The following PKIB variants were observed in gnomAD, a reference collection of about 807,000 sequenced individuals.
PKIB encodes cAMP-dependent protein kinase inhibitor beta.
A neutral mutation model predicts 4.5 loss-of-function variants in PKIB; 2 were observed. The observed-to-expected ratio is 0.44, with a 90% confidence interval of 0.18 to 1.39. The LOEUF is 1.39. Ranked by LOEUF, PKIB falls within the 40% of genes most tolerant of loss-of-function variation. The pLI, the probability that PKIB is intolerant of heterozygous loss-of-function variation, is 0.27. For synonymous variants in PKIB, 38 were observed against 36.0 expected (o/e 1.06, Z -0.20); for missense variants, 94 against 92.6 (o/e 1.02, Z -0.06).
chr6:122,619,502 C>T (rs554699036), intron 1 of PKIB, among the ~76,000 whole-genome samples: 3 of 151,984 alleles, frequency 2.0e-5, no homozygotes, highest in African/African-American at 4.8e-5. Flanking sequence ...TTCTCACCCC[C>T]GCACCTGCCT....
intron 4 of PKIB, among the ~76,000 whole-genome samples, chr6:122,719,584 T>C (rs993869574): frequency 1.3e-5 from 2 of 152,062 alleles, no homozygotes. Flanking sequence ...TCAAAAGAGA[T>C]AAAATTACAA....
chr6:122,478,140 C>T (rs1295653015), intron 2 of PKIB: 6 of 151,868 alleles, frequency 4.0e-5, no homozygotes, highest in Non-Finnish European at 8.8e-5. Flanking sequence ...CACTAGTTTC[C>T]ATTATTGCTT....
chr6:122,621,890 G>A (rs543440875), intron 1 of PKIB, among the ~76,000 whole-genome samples: 1 of 152,232 alleles, frequency 6.6e-6, no homozygotes, highest in Admixed American at 6.5e-5. Flanking sequence ...AAGGATATTA[G>A]AGGAAATATG....
At chr6:122,602,141 A>G (rs187049704) in intron 3 of PKIB, among the ~76,000 whole-genome samples, 1 of 152,270 alleles carries the variant, frequency 6.6e-6, no homozygotes, top group Non-Finnish European at 1.5e-5. Context: ...CTTCAACTCA[A>G]ACCACTGGAA....
intron 2 of PKIB, among the ~76,000 whole-genome samples, chr6:122,573,552 AAAG>A (rs974884459): frequency 7.9e-5 from 12 of 151,928 alleles, no homozygotes; most frequent in South Asian, 2.1e-4. Flanking sequence ...AAGAAAAAAA[AAAG>A]AAGAAAAAAG....
chr6:122,596,215 T>A (rs1774171828), intron 3 of PKIB, among the ~76,000 whole-genome samples: 1 of 152,196 alleles, frequency 6.6e-6, no homozygotes, highest in African/African-American at 2.4e-5. Flanking sequence ...GGGGCTCTAA[T>A]GCTACAGCTG....
chr6:122,599,424 A>G (rs968832484), intron 3 of PKIB, among the ~76,000 whole-genome samples: 7 of 152,182 alleles, frequency 4.6e-5, no homozygotes, highest in South Asian at 2.1e-4. Context: ...GAGGCTGTGC[A>G]TGCATTTTTC....
chr6:122,719,325 T>G (rs566550948), intron 4 of PKIB, among the ~76,000 whole-genome samples: 1 of 152,322 alleles, frequency 6.6e-6, no homozygotes, highest in South Asian at 2.1e-4. Flanking sequence ...TGTTTTTATA[T>G]TTTTCTTCAT....
intron 2 of PKIB, among the ~76,000 whole-genome samples, chr6:122,576,710 A>ATATATATATATATATATATT (rs59569106): frequency 2.7e-4 from 30 of 109,936 alleles, no homozygotes; most frequent in African/African-American, 1.1e-3. Context: ...ATATATATAT[A>ATATATATATATATATATATT]TTTTCTTTTG....
chr6:122,473,036 G>A (rs529467885), intron 1 of PKIB, among the ~76,000 whole-genome samples: 42 of 152,226 alleles, frequency 2.8e-4, no homozygotes, highest in Non-Finnish European at 3.1e-4. Context: ...GCTTGAACCC[G>A]GGAGGCAGAG....
At chr6:122,486,018 A>G (rs1032031273) in intron 2 of PKIB, among the ~76,000 whole-genome samples, 1 of 152,232 alleles carries the variant, frequency 6.6e-6, no homozygotes, top group African/African-American at 2.4e-5. Context: ...ATTCATAGAC[A>G]CATACACAAA....
At chr6:122,667,163 C>G (rs561367471) in intron 2 of PKIB, among the ~76,000 whole-genome samples, 2 of 152,152 alleles carry the variant, frequency 1.3e-5, no homozygotes, top group African/African-American at 4.8e-5. Context: ...TGTAACAATA[C>G]TGGGGTTAGA....
At chr6:122,632,969 A>G (rs943475519) in intron 1 of PKIB, among the ~76,000 whole-genome samples, 2 of 152,224 alleles carry the variant, frequency 1.3e-5, no homozygotes, top group Non-Finnish European at 2.9e-5. Context: ...AAAACATGAG[A>G]AAGACTGCTC....
At chr6:122,707,700 AT>A (rs1208321807) in intron 3 of PKIB, among the ~76,000 whole-genome samples, 3 of 152,110 alleles carry the variant, frequency 2.0e-5, no homozygotes, top group Non-Finnish European at 4.4e-5. Flanking sequence ...AATTATGTTG[AT>A]TTGAGAAAGA....
chr6:122,585,971 G>A (rs1773836317), exon 3 of PKIB: 1 of 152,028 alleles, frequency 6.6e-6, no homozygotes, highest in Non-Finnish European at 1.5e-5. Flanking sequence ...TTGATTTTGA[G>A]ATTTGAGAAC....
At chr6:122,568,143 A>AT in intron 2 of PKIB, among the ~76,000 whole-genome samples, 1 of 152,192 alleles carries the variant, frequency 6.6e-6, no homozygotes, top group South Asian at 2.1e-4. Flanking sequence ...TGCATTTATA[A>AT]TAAAAAAAAA....
chr6:122,552,559 G>A (rs1473194149), intron 2 of PKIB, among the ~76,000 whole-genome samples: 2 of 151,874 alleles, frequency 1.3e-5, no homozygotes, highest in African/African-American at 4.8e-5. Flanking sequence ...TGTATTTTTA[G>A]TAGAGATGGG....
At chr6:122,566,236 C>G (rs1304971028) in intron 2 of PKIB, among the ~76,000 whole-genome samples, 1 of 152,072 alleles carries the variant, frequency 6.6e-6, no homozygotes, top group African/African-American at 2.4e-5. Flanking sequence ...ATTGAAGAAG[C>G]AAACACAACC....
intron 3 of PKIB, among the ~76,000 whole-genome samples, chr6:122,689,635 A>G (rs187367929): frequency 3.3e-5 from 5 of 152,250 alleles, no homozygotes; most frequent in South Asian, 2.1e-4. Context: ...TATTATTTCA[A>G]TTTTTAAAAT....
Sources: gnomAD v4.1 joint callset for allele counts (sites outside exome capture counted in the v4.1 genomes callset) on GRCh38, gnomAD v4.1.1 for gene constraint, MANE v1.5 for transcripts, NCBI Gene and HGNC (gene_info 2026-07-23, HGNC 2026-07-21) for gene names.